Variants in TSPAN7 observed in about 807,000 individuals in gnomAD.
TSPAN7 encodes the protein tetraspanin-7.
A neutral mutation model predicts 17.6 loss-of-function variants in TSPAN7; 1 was observed. The observed-to-expected ratio is 0.06, with a 90% CI of 0.02 to 0.27. The LOEUF (loss-of-function observed/expected upper bound fraction) is 0.27, where lower values mean the gene tolerates loss of function less well. Among genes scored for constraint, TSPAN7 ranks in the 10% least tolerant of loss-of-function variants. TSPAN7 has a pLI of 1.00. For synonymous variants in TSPAN7, 78 were observed against 79.0 expected (o/e 0.99, Z 0.07); for missense variants, 112 against 201.7 (o/e 0.56, Z 2.69).
chrX:38,564,708 G>A (rs2069132645), intron 1 of TSPAN7, among the ~76,000 whole-genome samples: 1 of 112,248 alleles, frequency 8.9e-6, no homozygotes, highest in South Asian at 3.7e-4. Flanking sequence ...GTTCTGGTAT[G>A]AATTTCCCTG....
At chrX:38,583,787 T>C (rs1255011244) in intron 1 of TSPAN7, among the ~76,000 whole-genome samples, 1 of 110,968 alleles carries the variant, frequency 9.0e-6, no homozygotes, top group East Asian at 2.8e-4. Context: ...CTGATCGTTC[T>C]AGTTATTGAT....
intron 1 of TSPAN7, among the ~76,000 whole-genome samples, chrX:38,613,013 G>T (rs186722721): frequency 1.4e-4 from 16 of 111,332 alleles, no homozygotes; most frequent in Non-Finnish European, 2.5e-4. Flanking sequence ...CTTCAGTTTT[G>T]GGAAATTATT....
intron 3 of TSPAN7, among the ~76,000 whole-genome samples, chrX:38,672,347 C>G (rs1342795758): frequency 9.1e-6 from 1 of 109,410 alleles, no homozygotes; most frequent in African/African-American, 3.3e-5. Context: ...TTTCATTAAC[C>G]CATCTTGCTG....
chrX:38,602,303 C>CT lies in TSPAN7; in HGVS notation c.81+40683dup, dbSNP rs886538673. On this transcript the variant is annotated intron_variant, in intron 1 of 7. Coordinates refer to ENST00000378482, the MANE Select transcript of TSPAN7 (RefSeq NM_004615.4). ...GTGTTTTAAGTATAATACCTAATCA[C>CT]TTTTTTTATTCCTGGAAAAAGAATG... Among the ~76,000 whole-genome samples the CT allele has an allele frequency of 1.2e-4, 13 of 111,159 alleles. No homozygotes were observed. In the South Asian group the frequency reaches 3.8e-3, roughly 32 times the overall value.
Position 38,612,167 on chromosome X carries a change from T to A in TSPAN7, c.81+50540T>A, listed in dbSNP as rs536324559. Among the ~76,000 whole-genome samples the A allele has an allele frequency of 5.4e-5, 6 of 111,103 alleles. No homozygotes were observed. The South Asian group carries it at 2.3e-3, about 42-fold the overall frequency. On this transcript the variant is annotated intron_variant, in intron 1 of 7. Transcript: ENST00000378482. ...AGCCTTGAGTGAATCTGAGGAAAAA[T>A]GGGTCTCCTGATAGGCAGGACATTT...
chrX:38,639,668 G>A (rs941211880), intron 1 of TSPAN7, among the ~76,000 whole-genome samples: 3 of 107,290 alleles, frequency 2.8e-5, no homozygotes, highest in Non-Finnish European at 5.8e-5. Context: ...AATATGACCC[G>A]TTCTTGGGTT....
At chrX:38,568,146 T>G (rs370544066) in intron 1 of TSPAN7, among the ~76,000 whole-genome samples, 14 of 111,622 alleles carry the variant, frequency 1.3e-4, no homozygotes, top group African/African-American at 4.5e-4. Flanking sequence ...CTCCCAAAGC[T>G]TTCTGATCTT....
chrX:38,670,222 A>T (rs777557771), intron 2 of TSPAN7, among the ~76,000 whole-genome samples: 1 of 112,058 alleles, frequency 8.9e-6, no homozygotes, highest in Non-Finnish European at 1.9e-5. Flanking sequence ...ATTCCACAGC[A>T]TTGTTTAGGG....
At chrX:38,635,813 G>A (rs61427706) in intron 1 of TSPAN7, among the ~76,000 whole-genome samples, 24,185 of 110,249 alleles carry the variant, frequency 0.22, 3,472 homozygotes, top group African/African-American at 0.52. Context: ...GGACTCAAAC[G>A]CAACTCTGTC....
intron 1 of TSPAN7, among the ~76,000 whole-genome samples, chrX:38,586,027 T>A (rs1232900336): frequency 8.9e-6 from 1 of 112,858 alleles, no homozygotes; most frequent in East Asian, 2.8e-4. Context: ...GCAATGCAAA[T>A]GAATGAATAC....
chrX:38,637,001 TGAA>T (rs2069584688), intron 1 of TSPAN7, among the ~76,000 whole-genome samples: 1 of 112,411 alleles, frequency 8.9e-6, no homozygotes, highest in Non-Finnish European at 1.9e-5. Flanking sequence ...ACAGTCCTGT[TGAA>T]GAAACATCAC....
intron 1 of TSPAN7, among the ~76,000 whole-genome samples, chrX:38,625,800 G>C (rs2069519003): frequency 8.9e-6 from 1 of 112,147 alleles, no homozygotes; most frequent in African/African-American, 3.2e-5. Context: ...GAAAATTTTA[G>C]ACGTATGAGG....
chrX:38,616,788 C>T (rs1386024413), intron 1 of TSPAN7, among the ~76,000 whole-genome samples: 5 of 111,285 alleles, frequency 4.5e-5, no homozygotes, highest in African/African-American at 9.8e-5. Context: ...TATTTTTCCT[C>T]AGAGCCACTC....
At chrX:38,577,793 C>A (rs1334601057) in intron 1 of TSPAN7, among the ~76,000 whole-genome samples, 3 of 107,592 alleles carry the variant, frequency 2.8e-5, no homozygotes, top group Non-Finnish European at 5.8e-5. Flanking sequence ...TGCACATGTA[C>A]CCTAAAACTT....
chrX:38,674,278 G>A lies in TSPAN7; in HGVS notation c.403G>A (p.Asp135Asn), dbSNP rs757108282. 2.5e-6 allele frequency: 3 copies of A among 1,199,818 alleles called. No individual in the cohort carries two copies. Among genetic ancestry groups the A allele is most frequent in the Non-Finnish European group, 3.4e-6 (3 of 889,016 alleles). ...CGCTATGCAGACTTACAATGGCAAT[G>A]ATGAGAGGAGCCGGGCAGTGGACCA... is the stretch of plus-strand genomic sequence containing the variant. ...TDAMQTYNGNDERSRAVDHVQ... is the reference protein window; with the variant it reads ...TDAMQTYNGNNERSRAVDHVQ... Residue 135 changes from aspartate to asparagine, a missense_variant, in exon 4 of 8, where the codon GAT becomes AAT. Coordinates refer to ENST00000378482, the MANE Select transcript of TSPAN7 (RefSeq NM_004615.4).
chrX:38,675,647 T>C (rs2069848400), intron 4 of TSPAN7, 58 bp from the exon 5 acceptor site: 2 of 1,186,334 alleles, frequency 1.7e-6, no homozygotes, highest in African/African-American at 1.8e-5. Flanking sequence ...AAGGCAGTGA[T>C]TGAGGAGACC....
At chrX:38,576,346 G>A (rs1306575164) in intron 1 of TSPAN7, among the ~76,000 whole-genome samples, 1 of 111,854 alleles carries the variant, frequency 8.9e-6, no homozygotes, top group Non-Finnish European at 1.9e-5. Flanking sequence ...TAAATTAACC[G>A]CCTGAGCACT....
chrX:38,576,617 AAGAG>A (rs762175039), intron 1 of TSPAN7, among the ~76,000 whole-genome samples: 3 of 111,974 alleles, frequency 2.7e-5, no homozygotes, highest in African/African-American at 3.2e-5. Flanking sequence ...AATGAACTGT[AAGAG>A]AGAGAGCTTG....
chrX:38,606,626 G>T (rs2069385213), intron 1 of TSPAN7, among the ~76,000 whole-genome samples: 1 of 111,225 alleles, frequency 9.0e-6, no homozygotes, highest in African/African-American at 3.3e-5. Context: ...TGGAAGTGAT[G>T]AATGCAACAC....
Sources: gnomAD v4.1 joint callset for allele counts (sites outside exome capture counted in the v4.1 genomes callset) on GRCh38, gnomAD v4.1.1 for gene constraint, MANE v1.5 for transcripts, NCBI Gene and HGNC (gene_info 2026-07-23, HGNC 2026-07-21) for gene names.